WIPF1: variants seen among roughly 807,000 people sequenced by gnomAD.
WIPF1 encodes the protein WAS/WASL interacting protein family member 1.
WIPF1 carries 13 observed loss-of-function variants against 35.4 expected under a neutral mutation model. That is an observed-to-expected ratio of 0.37 (90% CI 0.24 to 0.58). The LOEUF (loss-of-function observed/expected upper bound fraction) is 0.58. WIPF1 is among the 20% of genes least tolerant of loss of function. The pLI is 0.74. For synonymous variants in WIPF1, 267 were observed against 266.3 expected (o/e 1.00, Z -0.02); for missense variants, 591 against 667.0 (o/e 0.89, Z 1.25).
At chr2:174,636,647 C>T (rs77899306) in intron 1 of WIPF1, among the ~76,000 whole-genome samples, 36 of 152,280 alleles carry the variant, frequency 2.4e-4, no homozygotes, top group Non-Finnish European at 3.7e-4. Context: ...GTGTTTCTTA[C>T]GCTCCACTTG....
At chr2:174,567,751 G>A (rs1252333139) in intron 6 of WIPF1, 110 bp downstream of exon 6, 1 of 1,222,636 alleles carries the variant, frequency 8.2e-7, no homozygotes, top group Non-Finnish European at 1.1e-6. Flanking sequence ...GCAATGGAGT[G>A]TGATAATGAT....
At chr2:174,597,505 C>T (rs1685857260) in intron 1 of WIPF1, 96 bp downstream of exon 1, 1 of 152,282 alleles carries the variant, frequency 6.6e-6, no homozygotes, top group Admixed American at 6.5e-5. Context: ...AATTAAACAA[C>T]TTTATCTTGA....
chr2:174,653,998 T>C (rs1281439529), intron 1 of WIPF1, among the ~76,000 whole-genome samples: 1 of 152,130 alleles, frequency 6.6e-6, no homozygotes, highest in Non-Finnish European at 1.5e-5. Context: ...CACCACAGAT[T>C]CTCCCCTTAG....
chr2:174,674,591 A>G (rs1688089937), intron 1 of WIPF1, among the ~76,000 whole-genome samples: 1 of 152,230 alleles, frequency 6.6e-6, no homozygotes, highest in African/African-American at 2.4e-5. Flanking sequence ...TAGAAGACAA[A>G]TCATATGTAT....
chr2:174,661,872 G>C (rs1001494723), intron 1 of WIPF1, among the ~76,000 whole-genome samples: 2 of 152,128 alleles, frequency 1.3e-5, no homozygotes, highest in Non-Finnish European at 2.9e-5. Flanking sequence ...GTGGTGTCTG[G>C]GGGGGTGTGG....
In WIPF1 at chr2:174,571,113, A is replaced by G. The variant is rs765360144; in HGVS notation, c.1129+563T>C. The G allele has an allele frequency of 5.8e-6, 1 of 171,374 alleles. No individual in the cohort carries two copies. The highest frequency in any genetic ancestry group is 1.3e-5 in the Non-Finnish European group (1 of 78,606). The allele number at this position is 171,374 out of a possible 1,614,324, so 10.6% of individuals were successfully genotyped here. On this transcript the variant is annotated intron_variant, in intron 5 of 7. Coordinates refer to ENST00000679041, the MANE Select transcript of WIPF1 (RefSeq NM_001375834.1). The surrounding 1 kb of genome is among the most constrained non-coding windows in gnomAD (Gnocchi z 4.6). ...GAGTATTTTTGTAAAGATAGTCTAT[A>G]CCTTTATTTGATTCTCCAAGGGATT...
At chr2:174,613,293 A>G (rs866608568) in intron 1 of WIPF1, among the ~76,000 whole-genome samples, 22 of 152,168 alleles carry the variant, frequency 1.4e-4, no homozygotes, top group South Asian at 2.1e-4. Flanking sequence ...CATTTTTACC[A>G]TTTTCATTAG....
rs185153003 is a variant in WIPF1, at chr2:174,663,902, T to C, written c.-39+18872A>G. 1.2e-3 allele frequency among the ~76,000 whole-genome samples: 179 copies of C among 152,298 alleles called. 4 individuals are homozygous for C. The highest frequency in any genetic ancestry group is 6.5e-4 in the Non-Finnish European group (44 of 68,032). On this transcript the variant is annotated intron_variant, in intron 1 of 8. Transcript: ENST00000272746. ...AAACATTGCTCAGGCCTGAGAGCCA[T>C]AGAGCGTTGGAGCCAAAGGAGATCA...
chr2:174,581,787 T>C (rs1275762205), intron 2 of WIPF1, among the ~76,000 whole-genome samples: 23 of 152,140 alleles, frequency 1.5e-4, no homozygotes, highest in Admixed American at 1.5e-3. Flanking sequence ...CTGCAGGACA[T>C]TACCAGACGT....
chr2:174,671,110 G>C (rs990434621), intron 1 of WIPF1, among the ~76,000 whole-genome samples: 1 of 152,242 alleles, frequency 6.6e-6, no homozygotes, highest in Non-Finnish European at 1.5e-5. Context: ...ATAGATTGTT[G>C]CATGAAGTCA....
At chr2:174,658,678 A>G (rs1201202829) in intron 1 of WIPF1, among the ~76,000 whole-genome samples, 1 of 152,156 alleles carries the variant, frequency 6.6e-6, no homozygotes. Context: ...TGAAATGGGT[A>G]AAACAGTGTG....
chr2:174,643,323 G>T (rs1395506512), intron 1 of WIPF1, among the ~76,000 whole-genome samples: 1 of 149,562 alleles, frequency 6.7e-6, no homozygotes, highest in African/African-American at 2.6e-5. Context: ...TCTACTTGAT[G>T]AAATATTGAA....
intron 1 of WIPF1, among the ~76,000 whole-genome samples, chr2:174,592,877 A>T (rs749954084): frequency 6.6e-6 from 1 of 152,278 alleles, no homozygotes; most frequent in South Asian, 2.1e-4. Flanking sequence ...AGATGCTATG[A>T]TAATAGGCAT....
Position 174,621,209 on chromosome 2 carries a change from A to G in WIPF1, c.-38-35598T>C, listed in dbSNP as rs533554277. ...ATTAGAGAGAGGCAGAATAAATATG[A>G]AAGAGGAGATGAGTTTGAGTAATAT... On this transcript the variant is annotated intron_variant, in intron 1 of 8. Transcript: ENST00000272746. Among the ~76,000 whole-genome samples the G allele has an allele frequency of 2.6e-5, 4 of 152,250 alleles. No individual in the cohort carries two copies. The South Asian group carries it at 6.2e-4, about 24-fold the overall frequency.
At chr2:174,595,099 AAAAAAAAAAAATATATATATAT>A (rs1424343769) in intron 1 of WIPF1, among the ~76,000 whole-genome samples, 1 of 40,512 alleles carries the variant, frequency 2.5e-5, no homozygotes, top group Non-Finnish European at 4.7e-5. Context: ...AAAAAAAAAA[AAAAAAAAAAAATATATATATAT>A]ATATATATAT....
chr2:174,651,178 T>A (rs902572609), intron 1 of WIPF1, among the ~76,000 whole-genome samples: 1 of 152,222 alleles, frequency 6.6e-6, no homozygotes, highest in Non-Finnish European at 1.5e-5. Flanking sequence ...GTCAGCTGCT[T>A]CTTAAGCACC....
At chr2:174,661,247 T>C (rs996370317) in intron 1 of WIPF1, among the ~76,000 whole-genome samples, 3 of 152,314 alleles carry the variant, frequency 2.0e-5, no homozygotes, top group South Asian at 4.1e-4. Flanking sequence ...TGGGTGGAGA[T>C]GGGATTGACG....
intron 2 of WIPF1, among the ~76,000 whole-genome samples, chr2:174,583,883 A>G (rs955051604): frequency 6.6e-6 from 1 of 152,126 alleles, no homozygotes; most frequent in African/African-American, 2.4e-5. Flanking sequence ...GCAGTAGTGC[A>G]ATCACAGCTC....
At chr2:174,636,662 T>A (rs1687187717) in intron 1 of WIPF1, among the ~76,000 whole-genome samples, 1 of 152,228 alleles carries the variant, frequency 6.6e-6, no homozygotes, top group South Asian at 2.1e-4. Flanking sequence ...CACTTGGCTG[T>A]GATGGTTTCT....
Sources: gnomAD v4.1 joint callset for allele counts (sites outside exome capture counted in the v4.1 genomes callset) on GRCh38, gnomAD v4.1.1 for gene constraint, Gnocchi (gnomAD v3.1) non-coding constraint, MANE v1.5 for transcripts, NCBI Gene and HGNC (gene_info 2026-07-23, HGNC 2026-07-21) for gene names.